Variants in NWD2 observed in about 807,000 individuals in gnomAD.
NWD2 encodes the protein NACHT and WD repeat domain containing 2, also known as NACHT and WD repeat domain-containing protein 2.
NWD2 carries 37 observed loss-of-function variants against 132.7 expected under a neutral mutation model. The ratio of observed to expected loss-of-function variants is 0.28; its 90% confidence interval spans 0.21 to 0.37. The LOEUF (loss-of-function observed/expected upper bound fraction) is 0.37, where lower values mean the gene tolerates loss of function less well. Ranked by LOEUF, NWD2 falls within the 10% of genes least tolerant of loss-of-function variation. NWD2 has a pLI of 1.00. For missense variants in NWD2, 1,592 were observed against 2,122.4 expected (o/e 0.75, Z 4.91); for synonymous variants, 705 against 803.0 (o/e 0.88, Z 2.06).
rs1560258191 is a variant in NWD2 at position 37,446,012 on chromosome 4, A to C, written c.4024A>C (p.Lys1342Gln). 6.4e-7 allele frequency: 1 copy of C among 1,551,742 alleles called. No individual in the cohort carries two copies. Among genetic ancestry groups the C allele is most frequent in the Middle Eastern group, 1.7e-4 (1 of 5,992 alleles). ...YSLDGSDCVH[K>Q]WNFSSGFIEA... is the part of the protein sequence containing the mutation. ...CCTGGATGGATCCGATTGTGTTCAT[A>C]AGTGGAACTTCAGCAGTGGCTTCAT... The change falls in exon 7 of 7, where the codon AAG (lysine) becomes CAG (glutamine). Residue 1342 changes from lysine to glutamine, a missense_variant. Lys to Gln is a moderately conservative substitution (Grantham distance 53). Transcript: ENST00000309447. This position sits in a 1 kb window ranked among gnomAD's most constrained non-coding sequence, Gnocchi z 6.7.
At chr4:37,405,287 G>A (rs543498396) in intron 3 of NWD2, among the ~76,000 whole-genome samples, 42 of 152,242 alleles carry the variant, frequency 2.8e-4, no homozygotes, top group African/African-American at 8.7e-4. Context: ...TGTGGAGAGC[G>A]ACTCTAAAAC....
At chr4:37,315,432 A>G (rs1018445401) in intron 1 of NWD2, among the ~76,000 whole-genome samples, 2 of 152,046 alleles carry the variant, frequency 1.3e-5, no homozygotes, top group African/African-American at 4.8e-5. Context: ...TCTCCGTTAT[A>G]TATTTTAGGG....
intron 3 of NWD2, among the ~76,000 whole-genome samples, chr4:37,379,072 C>G (rs1560408336): frequency 6.6e-6 from 1 of 152,184 alleles, no homozygotes; most frequent in Admixed American, 6.5e-5. Context: ...TCCTCACTTA[C>G]CCCACTCAAC....
At chr4:37,427,706 C>G (rs1323686860) in intron 3 of NWD2, among the ~76,000 whole-genome samples, 3 of 152,196 alleles carry the variant, frequency 2.0e-5, no homozygotes, top group Non-Finnish European at 4.4e-5. Flanking sequence ...TACTTCCTTT[C>G]TGGTCATTGA....
chr4:37,277,189 T>C lies in NWD2; in HGVS notation c.151+31971T>C, dbSNP rs901401122. On this transcript the variant is annotated intron_variant, in intron 1 of 6. Coordinates refer to ENST00000309447, the MANE Select transcript of NWD2 (RefSeq NM_001144990.2). ...CCGATCCTCTGCAGTATGAGATGTTTTGCTTTTCTTTGTGTTTAGAGTTTT... is the reference window on the plus strand; with the variant it reads ...CCGATCCTCTGCAGTATGAGATGTTCTGCTTTTCTTTGTGTTTAGAGTTTT... Among the ~76,000 whole-genome samples the C allele has an allele frequency of 2.6e-5, 4 of 152,020 alleles. No homozygotes were observed. In the East Asian group the frequency reaches 5.8e-4, roughly 22 times the overall value.
At chr4:37,273,985 T>C (rs1343464278) in intron 1 of NWD2, among the ~76,000 whole-genome samples, 2 of 151,816 alleles carry the variant, frequency 1.3e-5, no homozygotes, top group African/African-American at 4.8e-5. Flanking sequence ...GCAGGAAAGA[T>C]CTAAAATTGA....
chr4:37,441,919 T>C (rs927241899), intron 6 of NWD2, among the ~76,000 whole-genome samples: 2 of 152,190 alleles, frequency 1.3e-5, no homozygotes, highest in Non-Finnish European at 2.9e-5. Flanking sequence ...AGACATCACA[T>C]GTTCAGCAAC....
intron 1 of NWD2, among the ~76,000 whole-genome samples, chr4:37,274,146 T>G (rs1717937413): frequency 1.3e-5 from 2 of 151,712 alleles, no homozygotes; most frequent in Admixed American, 6.6e-5. Flanking sequence ...CCAGGAGCTG[T>G]TTTTTCTTAA....
intron 3 of NWD2, among the ~76,000 whole-genome samples, chr4:37,403,982 T>G (rs1035561641): frequency 6.6e-6 from 1 of 152,122 alleles, no homozygotes; most frequent in African/African-American, 2.4e-5. Context: ...ATTATAGGAG[T>G]GAGAGACCTA....
intron 2 of NWD2, among the ~76,000 whole-genome samples, chr4:37,349,317 G>A (rs1473686027): frequency 6.6e-6 from 1 of 152,062 alleles, no homozygotes; most frequent in Non-Finnish European, 1.5e-5. Flanking sequence ...AAAGCGTTCT[G>A]ACTTTTCCAC....
At chr4:37,414,069 A>G (rs1721214063) in intron 3 of NWD2, among the ~76,000 whole-genome samples, 1 of 152,122 alleles carries the variant, frequency 6.6e-6, no homozygotes, top group Non-Finnish European at 1.5e-5. Flanking sequence ...GTGTATACCT[A>G]TGCAACAAAA....
At position 37,445,081 on chromosome 4, in the gene NWD2, C is replaced by T; in HGVS notation, c.3093C>T (p.Asn1031=). 1 of 1,551,768 alleles carries T rather than the reference C, an allele frequency of 6.4e-7. No homozygotes were observed. The highest frequency in any genetic ancestry group is 8.7e-7 in the Non-Finnish European group (1 of 1,147,012). ...EKYLVVATTN[N]TLLIYDNVNS... ...ACCTTGTGGTGGCTACAACAAATAA[C>T]ACCTTGTTGATTTATGACAATGTCA... The change falls in exon 7 of 7, where the codon AAC becomes AAT. Residue 1031 remains asparagine, a synonymous_variant. Transcript: ENST00000309447. This position sits in a 1 kb window ranked among gnomAD's most constrained non-coding sequence, Gnocchi z 4.7.
chr4:37,427,691 A>G (rs996045489), intron 3 of NWD2, among the ~76,000 whole-genome samples: 10 of 152,204 alleles, frequency 6.6e-5, no homozygotes, highest in African/African-American at 2.2e-4. Context: ...CAGCTAGGTT[A>G]GATCTACTTC....
intron 1 of NWD2, among the ~76,000 whole-genome samples, chr4:37,322,573 C>A (rs970804421): frequency 6.6e-6 from 1 of 151,978 alleles, no homozygotes; most frequent in Non-Finnish European, 1.5e-5. Flanking sequence ...AAGGAGTGTA[C>A]ATTTCATTTA....
intron 3 of NWD2, among the ~76,000 whole-genome samples, chr4:37,407,831 C>T (rs1721075786): frequency 6.6e-6 from 1 of 152,184 alleles, no homozygotes; most frequent in African/African-American, 2.4e-5. Context: ...AACTGAGGTA[C>T]CTGGTTGATC....
chr4:37,285,550 T>A (rs1718213778), intron 1 of NWD2, among the ~76,000 whole-genome samples: 1 of 152,138 alleles, frequency 6.6e-6, no homozygotes. Context: ...TTGGGGATTG[T>A]TCTCACAAAT....
chr4:37,325,069 G>A (rs1719142784), intron 1 of NWD2, among the ~76,000 whole-genome samples: 1 of 152,270 alleles, frequency 6.6e-6, no homozygotes, highest in East Asian at 1.9e-4. Flanking sequence ...GAAGGTAGCT[G>A]GGCAAGGAAC....
At chr4:37,343,511 A>G (rs1325616082) in intron 2 of NWD2, among the ~76,000 whole-genome samples, 1 of 152,236 alleles carries the variant, frequency 6.6e-6, no homozygotes, top group Non-Finnish European at 1.5e-5. Context: ...TTCAAGTACA[A>G]AGCGACAAGA....
At chr4:37,397,208 C>A (rs1720813195) in intron 3 of NWD2, among the ~76,000 whole-genome samples, 1 of 152,076 alleles carries the variant, frequency 6.6e-6, no homozygotes, top group African/African-American at 2.4e-5. Flanking sequence ...TACAGTGTTG[C>A]AATAGCCTAT....
Sources: allele counts gnomAD v4.1 joint callset (sites outside exome capture counted in the v4.1 genomes callset), GRCh38; gene constraint gnomAD v4.1.1; non-coding constraint Gnocchi (gnomAD v3.1); transcripts MANE v1.5; gene names NCBI Gene and HGNC (gene_info 2026-07-23, HGNC 2026-07-21).